Variants in FAM120B observed in about 807,000 individuals in gnomAD.
FAM120B encodes the protein family with sequence similarity 120 member B.
Under a neutral mutation model 96.3 loss-of-function variants are expected in FAM120B, and 83 were observed. The observed-to-expected ratio is 0.86, with a 90% CI of 0.72 to 1.03. The LOEUF (loss-of-function observed/expected upper bound fraction) is 1.03. Among genes scored for constraint, FAM120B ranks in the 50% least tolerant of loss-of-function variants. The probability of loss-of-function intolerance (pLI) is 0.00; values close to 1 mark genes in which losing one functional copy is unlikely to be tolerated. For missense variants in FAM120B, 1,027 were observed against 1,121.2 expected, an observed-to-expected ratio of 0.92 and a Z score of 1.20; for synonymous variants, 407 against 402.7, an observed-to-expected ratio of 1.01 and a Z score of -0.13.
chr6:170,318,349 G>A lies in FAM120B; in HGVS notation c.959G>A (p.Gly320Asp), dbSNP rs200854692. 1.5e-4 allele frequency: 240 copies of A among 1,614,206 alleles called. No individual in the cohort carries two copies. The highest frequency in any genetic ancestry group is 1.6e-4 in the Middle Eastern group (1 of 6,062). ...CCATGGTTTTTCCAAAAACCCAAAG[G>A]TGTAATAACTTTGGACAAACAAGTA... ...KSPWFFQKPK[G>D]VITLDKQVIS... The change falls in exon 2 of 11, where the codon GGT becomes GAT. Residue 320 changes from glycine (G) to aspartate (D), a missense_variant. Around this residue, in one of 3 missense-constraint regions of FAM120B, gnomAD observed 880 missense variants for 980.9 expected, o/e 0.90. Transcript: ENST00000476287.
intron 6 of FAM120B, among the ~76,000 whole-genome samples, chr6:170,376,113 C>G (rs1789495589): frequency 6.6e-6 from 1 of 152,100 alleles, no homozygotes; most frequent in South Asian, 2.1e-4. Context: ...AGTGAAATTG[C>G]TAGGCCCTCA....
intron 6 of FAM120B, among the ~76,000 whole-genome samples, chr6:170,368,190 C>T (rs1048862949): frequency 1.3e-5 from 2 of 152,176 alleles, no homozygotes; most frequent in Non-Finnish European, 2.9e-5. Flanking sequence ...GGGTTTTAGG[C>T]TCAGATTAGT....
intron 6 of FAM120B, among the ~76,000 whole-genome samples, chr6:170,368,825 G>T (rs951807631): frequency 2.2e-5 from 3 of 136,266 alleles, no homozygotes; most frequent in South Asian, 2.9e-4. Context: ...GGGGCTGGGG[G>T]GGGGGCTCCC....
chr6:170,304,274 T>C (rs1381061340), upstream of FAM120B, among the ~76,000 whole-genome samples: 1 of 152,222 alleles, frequency 6.6e-6, no homozygotes, highest in African/African-American at 2.4e-5. Flanking sequence ...CTTCCTGGGA[T>C]TCTGTGGAGA....
intron 6 of FAM120B, among the ~76,000 whole-genome samples, chr6:170,367,238 C>A (rs9366216): frequency 0.1 from 15,945 of 152,270 alleles, 1,046 homozygotes; most frequent in East Asian, 0.2. Flanking sequence ...TTGTCAAAAG[C>A]TTCAACCAGG....
intron 2 of FAM120B, among the ~76,000 whole-genome samples, chr6:170,319,455 G>A (rs1785150692): frequency 6.6e-6 from 1 of 152,166 alleles, no homozygotes; most frequent in Non-Finnish European, 1.5e-5. Context: ...GTCACCTGAG[G>A]TCAGGAGTTC....
chr6:170,330,422 T>C, intron 3 of FAM120B, 27 bp from the exon 4 acceptor site: 1 of 1,583,852 alleles, frequency 6.3e-7, no homozygotes, highest in Non-Finnish European at 8.7e-7. Flanking sequence ...CCCTCATGCA[T>C]CTACTGACCC....
intron 6 of FAM120B, 99 bp downstream of exon 6, chr6:170,358,417 G>A: frequency 4.4e-6 from 4 of 899,030 alleles, no homozygotes; most frequent in Non-Finnish European, 1.7e-6. Flanking sequence ...AAAAGATCAG[G>A]AAGGTATTTT....
intron 4 of FAM120B, among the ~76,000 whole-genome samples, chr6:170,337,456 C>T (rs973385304): frequency 5.9e-5 from 9 of 152,178 alleles, no homozygotes; most frequent in Admixed American, 5.9e-4. Context: ...AGGATTTTCG[C>T]ATCGATGTTC....
At chr6:170,331,999 T>G (rs191648418) in intron 4 of FAM120B, among the ~76,000 whole-genome samples, 343 of 152,334 alleles carry the variant, frequency 2.3e-3, no homozygotes, top group African/African-American at 7.7e-3. Context: ...GGGCCACGTC[T>G]CAGACACATT....
upstream of FAM120B, among the ~76,000 whole-genome samples, chr6:170,292,886 A>G (rs1361576913): frequency 1.3e-5 from 2 of 152,232 alleles, no homozygotes; most frequent in African/African-American, 4.8e-5. This position sits in a 1 kb window ranked among gnomAD's most constrained non-coding sequence, Gnocchi z 6.6. Flanking sequence ...AGAAACAAGC[A>G]TATGATGTTT....
At chr6:170,320,423 C>T (rs1369123628) in intron 2 of FAM120B, among the ~76,000 whole-genome samples, 1 of 151,996 alleles carries the variant, frequency 6.6e-6, no homozygotes, top group Non-Finnish European at 1.5e-5. Context: ...ATTGTAGTAA[C>T]TCAGGTAAAA....
At chr6:170,357,053 G>A (rs992772750) in intron 5 of FAM120B, among the ~76,000 whole-genome samples, 1 of 152,102 alleles carries the variant, frequency 6.6e-6, no homozygotes, top group Non-Finnish European at 1.5e-5. Context: ...GATTTATGGT[G>A]GGGTTGTTTT....
intron 9 of FAM120B, among the ~76,000 whole-genome samples, chr6:170,399,254 G>A (rs1215692898): frequency 6.9e-6 from 1 of 145,888 alleles, no homozygotes; most frequent in Admixed American, 6.7e-5. Flanking sequence ...GAGTGAGAAA[G>A]GTAGAACTAT....
rs375022412 is a variant in FAM120B at position 170,388,332 on chromosome 6, G to A, written c.2329G>A (p.Val777Ile). 7.4e-6 allele frequency: 12 copies of A among 1,614,112 alleles called. No individual in the cohort carries two copies. The highest frequency in any genetic ancestry group is 1.0e-5 in the Non-Finnish European group (12 of 1,180,026). ...PRAVQLGSLLVRGLTTLVLVN... is the reference protein window; with the variant it reads ...PRAVQLGSLLIRGLTTLVLVN... ...AGCCGTGCAGCTGGGCTCCCTTCTC[G>A]TCCGCGGCCTCACCACTCTGGTTTT... is the stretch of plus-strand genomic sequence containing the variant. The change falls in exon 7 of 11, where the codon GTC becomes ATC. Residue 777 changes from valine to isoleucine, a missense_variant. By Grantham distance (29) the Val-to-Ile change is conservative. Around this residue, in one of 3 missense-constraint regions of FAM120B, gnomAD observed 880 missense variants for 980.9 expected, o/e 0.90. Coordinates refer to ENST00000476287, the MANE Select transcript of FAM120B (RefSeq NM_032448.3).
chr6:170,395,515 C>G lies in FAM120B; in HGVS notation c.2628C>G (p.Tyr876Ter). 1 of 1,599,602 alleles carries G rather than the reference C, an allele frequency of 6.3e-7. No homozygotes were observed. The highest frequency in any genetic ancestry group is 8.5e-7 in the Non-Finnish European group (1 of 1,173,190). Reference protein sequence around the residue: ...AGRWGRQGSSYHRTGSGYSRS... With the variant: ...AGRWGRQGSS ...GGTGGGGAAGACAGGGCTCCAGCTA[C>G]CACAGGACGGGCTCTGGGTATAGCC... Residue 876 changes from tyrosine (Y) to a stop codon, truncating the protein, a stop_gained, in exon 9 of 11, where the codon TAC becomes TAG. Transcript: ENST00000476287. LOFTEE classifies it high-confidence loss of function.
chr6:170,363,585 G>A lies in FAM120B; in HGVS notation c.2283+5267G>A, dbSNP rs563792230. 6.6e-5 allele frequency among the ~76,000 whole-genome samples: 10 copies of A among 152,224 alleles called. No homozygotes were observed. The highest frequency in any genetic ancestry group is 2.0e-4 in the Admixed American group (3 of 15,288). ...AGTAGCAGCTTTTAGTGAAAATACA[G>A]GTCCCAGGCAAGGCCTGAAGCCCCA... On this transcript the variant is annotated intron_variant, in intron 6 of 10. Transcript: ENST00000476287. This position sits in a 1 kb window ranked among gnomAD's most constrained non-coding sequence, Gnocchi z 4.5.
intron 6 of FAM120B, among the ~76,000 whole-genome samples, chr6:170,361,182 C>CTATATATATA (rs564683415): frequency 0.048 from 3,619 of 75,000 alleles, 127 homozygotes; most frequent in African/African-American, 0.061. Context: ...AGCCTTAAAA[C>CTATATATATA]TATATATATA....
rs904651659 is a variant in FAM120B at position 170,404,987 on chromosome 6, T to G, written c.*236T>G. On this transcript the variant is annotated 3_prime_UTR_variant, in exon 11 of 11. Transcript: ENST00000476287. ...TGATTCTGTGGCCCAAAACAATCAT[T>G]GTTAACATCTTCATGTGTTTCATTC... The G allele has an allele frequency of 5.5e-5, 11 of 198,680 alleles. No individual in the cohort carries two copies. The highest frequency in any genetic ancestry group is 2.3e-4 in the African/African-American group (10 of 43,114). 12.3% of individuals were successfully genotyped at this position (198,680 alleles called of 1,614,324 possible).
Sources: gnomAD v4.1 joint callset for allele counts (sites outside exome capture counted in the v4.1 genomes callset) on GRCh38, gnomAD v4.1.1 for gene constraint, gnomAD v4.1.1 regional missense constraint, Gnocchi (gnomAD v3.1) non-coding constraint, MANE v1.5 for transcripts, NCBI Gene and HGNC (gene_info 2026-07-23, HGNC 2026-07-21) for gene names.